Variants in PDE8A observed in about 807,000 individuals in gnomAD.
PDE8A encodes phosphodiesterase 8A, also known as high affinity cAMP-specific and IBMX-insensitive 3',5'-cyclic phosphodiesterase 8A.
Under a neutral mutation model 105.0 loss-of-function variants are expected in PDE8A, and 59 were observed. The ratio of observed to expected loss-of-function variants is 0.56; its 90% confidence interval spans 0.46 to 0.70. The LOEUF is 0.70. PDE8A is among the 30% of genes least tolerant of loss of function. PDE8A has a pLI of 0.00. For synonymous variants in PDE8A, 355 were observed against 371.9 expected (o/e 0.95, Z 0.52); for missense variants, 1,014 against 1,045.9 (o/e 0.97, Z 0.42).
intron 1 of PDE8A, among the ~76,000 whole-genome samples, chr15:85,037,984 A>G (rs1442198338): frequency 3.3e-5 from 5 of 152,208 alleles, no homozygotes; most frequent in African/African-American, 7.2e-5. Context: ...TCTCCCAACA[A>G]TACTCTTGAA....
At chr15:85,018,089 T>C (rs59390017) in intron 1 of PDE8A, among the ~76,000 whole-genome samples, 13,138 of 152,072 alleles carry the variant, frequency 0.086, 1,555 homozygotes, top group African/African-American at 0.27. Flanking sequence ...GGCTATCAAG[T>C]GAAAAGTAGA....
Position 85,123,141 on chromosome 15 carries a change from A to G in PDE8A, c.2033A>G (p.Asn678Ser), listed in dbSNP as rs1596541493. 2.5e-6 allele frequency: 4 copies of G among 1,614,076 alleles called. No individual in the cohort carries two copies. Among genetic ancestry groups the G allele is most frequent in the Non-Finnish European group, 3.4e-6 (4 of 1,179,930 alleles). Residue 678 changes from asparagine (N) to serine (S), a missense_variant, in exon 19 of 22, where the codon AAC becomes AGC. Physicochemically the swap from Asn to Ser is conservative, Grantham distance 46. Transcript: ENST00000394553. ...ATGACAAAGCACTTTGAGCATGTCAACAAATTTGTCAACAGCATCAACAAA... is the reference window on the plus strand; with the variant it reads ...ATGACAAAGCACTTTGAGCATGTCAGCAAATTTGTCAACAGCATCAACAAA... The part of the protein sequence containing the change: ...TEMTKHFEHV[N>S]KFVNSINKPL...
intron 1 of PDE8A, among the ~76,000 whole-genome samples, chr15:85,017,901 C>CAAAAAAAAAAAAA (rs1471033329): frequency 6.7e-5 from 3 of 44,772 alleles, no homozygotes; most frequent in South Asian, 6.0e-4. Flanking sequence ...AAAAAAAAAG[C>CAAAAAAAAAAAAA]AATAGTGGGA....
chr15:85,022,183 C>T (rs1466166416), intron 1 of PDE8A, among the ~76,000 whole-genome samples: 1 of 152,130 alleles, frequency 6.6e-6, no homozygotes, highest in African/African-American at 2.4e-5. Flanking sequence ...GTTATTCAGC[C>T]ATTTGGGGTT....
chr15:85,044,483 A>T (rs1226719476), intron 1 of PDE8A, among the ~76,000 whole-genome samples: 1 of 152,176 alleles, frequency 6.6e-6, no homozygotes, highest in Non-Finnish European at 1.5e-5. Flanking sequence ...TCTGGAAAGG[A>T]CCAAGCAGAT....
At chr15:85,081,130 G>A (rs144814368) in intron 5 of PDE8A, among the ~76,000 whole-genome samples, 3 of 152,324 alleles carry the variant, frequency 2.0e-5, no homozygotes, top group Non-Finnish European at 4.4e-5. Context: ...GGCTGTAGGC[G>A]GTGGTGCCAA....
At chr15:85,050,633 G>A (rs1014548305) in intron 1 of PDE8A, among the ~76,000 whole-genome samples, 4 of 152,060 alleles carry the variant, frequency 2.6e-5, no homozygotes, top group Non-Finnish European at 5.9e-5. Context: ...TATACACAAG[G>A]GTTTATTTCT....
rs559753915 is a variant in PDE8A at position 85,054,981 on chromosome 15, A to G, written c.187-9389A>G. Among the ~76,000 whole-genome samples, 119 of 151,960 alleles carry G rather than the reference A, an allele frequency of 7.8e-4. 1 individual carries two copies. Among genetic ancestry groups the G allele is most frequent in the Middle Eastern group, 3.4e-3 (1 of 294 alleles). On this transcript the variant is annotated intron_variant, in intron 1 of 21. Coordinates refer to ENST00000394553, the MANE Select transcript of PDE8A (RefSeq NM_002605.3). ...TAAATTTCCCTCTACACACTGCTTT[A>G]AATGTGTCCCAGAGATTCTGGTATG... is the stretch of plus-strand genomic sequence containing the variant.
chr15:85,052,540 T>C (rs1028526151), intron 1 of PDE8A, among the ~76,000 whole-genome samples: 5 of 152,224 alleles, frequency 3.3e-5, no homozygotes, highest in Non-Finnish European at 5.9e-5. Flanking sequence ...TGGTATCTCA[T>C]TGTGGTTTTG....
At chr15:84,983,951 AC>A (rs2079762289) in intron 1 of PDE8A, among the ~76,000 whole-genome samples, 1 of 152,214 alleles carries the variant, frequency 6.6e-6, no homozygotes, top group Admixed American at 6.5e-5. Context: ...TTAAGTACTT[AC>A]TTCAACCATT....
chr15:85,117,930 G>A lies in PDE8A; in HGVS notation c.1734+91G>A. On this transcript the variant is annotated intron_variant, in intron 17 of 21. Transcript: ENST00000394553. ...CTCCACTAAGATACATAGCATGACT[G>A]CTCACGTGTGCAGCCTGGCACAGGA... 3.0e-6 allele frequency: 3 copies of A among 1,016,618 alleles called. No homozygotes were observed. In the African/African-American group the frequency reaches 4.7e-5, roughly 16 times the overall value. The allele number at this position is 1,016,618 out of a possible 1,614,324, so 63.0% of individuals were successfully genotyped here.
At chr15:85,113,329 G>A (rs375002330) in intron 12 of PDE8A, 48 bp from the exon 13 acceptor site, 33 of 1,499,988 alleles carry the variant, frequency 2.2e-5, no homozygotes, top group Non-Finnish European at 3.0e-5. Context: ...GTCAAGACAG[G>A]TGCCCAGAGT....
At chr15:85,090,587 G>A (rs1486418331) in intron 7 of PDE8A, 6 of 227,852 alleles carry the variant, frequency 2.6e-5, no homozygotes, top group East Asian at 1.0e-4. Context: ...TCCCATATCC[G>A]GATAAGAGTC....
intron 21 of PDE8A, among the ~76,000 whole-genome samples, chr15:85,137,570 C>T (rs536445338): frequency 5.9e-5 from 9 of 152,170 alleles, no homozygotes; most frequent in Admixed American, 1.3e-4. Flanking sequence ...TTATTTACCA[C>T]AGTTACCAGC....
chr15:85,012,323 A>G (rs1372456587), intron 1 of PDE8A, among the ~76,000 whole-genome samples: 1 of 152,206 alleles, frequency 6.6e-6, no homozygotes, highest in African/African-American at 2.4e-5. Context: ...GATAGACTGG[A>G]TTAAGAAAAT....
chr15:85,085,096 C>G (rs1252462411), intron 6 of PDE8A, among the ~76,000 whole-genome samples: 1 of 152,134 alleles, frequency 6.6e-6, no homozygotes. Flanking sequence ...TATGACACCC[C>G]AGATAGGCAC....
rs573360006 is a variant in PDE8A at position 85,001,193 on chromosome 15, TGACGG to T, written c.186+18846_186+18850del. Among the ~76,000 whole-genome samples, 7 of 152,312 alleles carry T rather than the reference TGACGG, an allele frequency of 4.6e-5. No individual in the cohort carries two copies. The South Asian group carries it at 1.4e-3, about 32-fold the overall frequency. Reference sequence around the variant, plus strand: ...AGGGACTTGATAACCTCTGGACTTTTGACGGTGCAGTTTCCTTGCCAATGCTCCGC... The same window carrying T: ...AGGGACTTGATAACCTCTGGACTTTTTGCAGTTTCCTTGCCAATGCTCCGC... On this transcript the variant is annotated intron_variant, in intron 1 of 21. Transcript: ENST00000394553.
intron 1 of PDE8A, among the ~76,000 whole-genome samples, chr15:85,043,161 C>G (rs1171306698): frequency 2.0e-5 from 3 of 152,170 alleles, no homozygotes; most frequent in African/African-American, 7.2e-5. Flanking sequence ...GAAATAGATT[C>G]ATCTGAGAGA....
chr15:85,052,734 G>A (rs1444263087), intron 1 of PDE8A, among the ~76,000 whole-genome samples: 1 of 152,184 alleles, frequency 6.6e-6, no homozygotes, highest in Non-Finnish European at 1.5e-5. Flanking sequence ...CCCTTTGTCA[G>A]ATGGGTAGAT....
Sources: gnomAD v4.1 joint callset for allele counts (sites outside exome capture counted in the v4.1 genomes callset) on GRCh38, gnomAD v4.1.1 for gene constraint, MANE v1.5 for transcripts, NCBI Gene and HGNC (gene_info 2026-07-23, HGNC 2026-07-21) for gene names.